Variants in HIP1 observed in about 807,000 individuals in gnomAD.
HIP1 encodes huntingtin-interacting protein 1.
HIP1 carries 65 observed loss-of-function variants against 147.6 expected under a neutral mutation model. The ratio of observed to expected loss-of-function variants is 0.44; its 90% CI spans 0.36 to 0.54. The LOEUF (loss-of-function observed/expected upper bound fraction) is 0.54, where lower values mean the gene tolerates loss of function less well. Ranked by LOEUF, HIP1 falls within the 20% of genes least tolerant of loss-of-function variation. The pLI is 0.00. For synonymous variants in HIP1, 479 were observed against 504.0 expected, an observed-to-expected ratio of 0.95 and a Z score of 0.67; for missense variants, 1,061 against 1,299.6, an observed-to-expected ratio of 0.82 and a Z score of 2.82.
At chr7:75,704,734 C>A (rs550478954) in intron 1 of HIP1, among the ~76,000 whole-genome samples, 1 of 150,968 alleles carries the variant, frequency 6.6e-6, no homozygotes, top group South Asian at 2.1e-4. Flanking sequence ...CCATCATGCC[C>A]GGCTAATTTT....
chr7:75,705,519 C>G (rs1327769972), intron 1 of HIP1, among the ~76,000 whole-genome samples: 1 of 152,046 alleles, frequency 6.6e-6, no homozygotes, highest in Non-Finnish European at 1.5e-5. Context: ...AGGTGCCCAC[C>G]ACCGTGCCTG....
intron 1 of HIP1, among the ~76,000 whole-genome samples, chr7:75,640,927 C>T (rs1798631356): frequency 6.6e-6 from 1 of 152,042 alleles, no homozygotes; most frequent in Admixed American, 6.6e-5. Flanking sequence ...CCTATCACAG[C>T]CCCTTCCTGT....
At chr7:75,694,676 C>CT (rs11383945) in intron 1 of HIP1, among the ~76,000 whole-genome samples, 78,674 of 140,290 alleles carry the variant, frequency 0.56, 22,649 homozygotes, top group African/African-American at 0.73. Context: ...CACCTGGCTA[C>CT]TTTTTTTTTT....
intron 1 of HIP1, among the ~76,000 whole-genome samples, chr7:75,618,069 C>T (rs931699393): frequency 3.3e-5 from 5 of 152,222 alleles, no homozygotes; most frequent in Non-Finnish European, 5.9e-5. Context: ...CCCTGGGCTG[C>T]GCCCTCCCCA....
rs782461500 is a variant in HIP1, at chr7:75,592,522, G to T, written c.185-8C>A. On this transcript the variant is annotated splice_polypyrimidine_tract_variant and splice_region_variant and intron_variant, in intron 2 of 30. Transcript: ENST00000336926. ...GGGTGCCCAGTATGCACGGTGAGGG[G>T]GGGTTATGGAAAACAACGGATGGGC... 2.7e-5 allele frequency: 44 copies of T among 1,607,756 alleles called. No homozygotes were observed. The highest frequency in any genetic ancestry group is 1.7e-4 in the Middle Eastern group (1 of 6,036).
intron 8 of HIP1, among the ~76,000 whole-genome samples, chr7:75,571,706 C>T (rs1795640919): frequency 6.6e-6 from 1 of 152,168 alleles, no homozygotes; most frequent in African/African-American, 2.4e-5. Context: ...CCTTAGCCTC[C>T]CAGGTAGCTG....
At chr7:75,649,101 C>T (rs781783474) in intron 1 of HIP1, among the ~76,000 whole-genome samples, 3 of 152,014 alleles carry the variant, frequency 2.0e-5, no homozygotes, top group Non-Finnish European at 2.9e-5. Context: ...TCCGGCTCAC[C>T]GCAAACTCCG....
At chr7:75,647,268 T>G (rs188411532) in intron 1 of HIP1, among the ~76,000 whole-genome samples, 2 of 133,076 alleles carry the variant, frequency 1.5e-5, no homozygotes, top group East Asian at 2.3e-4. Flanking sequence ...CATGGTGGCA[T>G]GCGCCTGTAA....
intron 1 of HIP1, among the ~76,000 whole-genome samples, chr7:75,599,459 G>T (rs1371314711): frequency 6.6e-6 from 1 of 152,174 alleles, no homozygotes; most frequent in African/African-American, 2.4e-5. Context: ...GAGGGAGTGG[G>T]CACCACTGCC....
intron 4 of HIP1, among the ~76,000 whole-genome samples, chr7:75,589,135 A>G (rs186904995): frequency 6.7e-4 from 102 of 151,324 alleles, no homozygotes; most frequent in African/African-American, 1.4e-3. Flanking sequence ...GGGCAACAAG[A>G]GCAAAACTCT....
chr7:75,701,159 T>C (rs1006086843), intron 1 of HIP1, among the ~76,000 whole-genome samples: 19 of 152,120 alleles, frequency 1.2e-4, no homozygotes, highest in Admixed American at 1.2e-3. Context: ...TTTGGAAGGC[T>C]GAGTTGGGCA....
chr7:75,592,333 T>A, intron 3 of HIP1, 39 bp downstream of exon 3: 2 of 1,578,872 alleles, frequency 1.3e-6, no homozygotes, highest in South Asian at 1.2e-5. Flanking sequence ...CCCACAAGGA[T>A]CCCTGGCTCC....
intron 1 of HIP1, among the ~76,000 whole-genome samples, chr7:75,666,853 T>G (rs1427436144): frequency 2.0e-5 from 3 of 152,210 alleles, no homozygotes; most frequent in Non-Finnish European, 1.5e-5. Flanking sequence ...CGTTTTGTTC[T>G]GGCTCCAGGG....
At chr7:75,719,448 G>T (rs190438277) in intron 1 of HIP1, among the ~76,000 whole-genome samples, 2 of 149,614 alleles carry the variant, frequency 1.3e-5, no homozygotes, top group African/African-American at 4.9e-5. Flanking sequence ...AGTTTGTAGT[G>T]AACCGAGATC....
Position 75,561,345 on chromosome 7 carries a change from T to A in HIP1, c.1175A>T (p.Glu392Val). Residue 392 changes from glutamate (E) to valine (V), a missense_variant, in exon 13 of 31, where the codon GAA (glutamate) becomes GTA (valine). Transcript: ENST00000336926. ...AAGTTATACCTCAGTCTTCATGTTT[T>A]CTAGCTGTGCCTTCAATCCACTGAT... ...REISGLKAQLENMKTESQRVV... is the reference protein window; with the variant it reads ...REISGLKAQLVNMKTESQRVV... 1 of 1,612,094 alleles carries A rather than the reference T, an allele frequency of 6.2e-7. No individual in the cohort carries two copies. The highest frequency in any genetic ancestry group is 8.5e-7 in the Non-Finnish European group (1 of 1,178,086).
intron 1 of HIP1, among the ~76,000 whole-genome samples, chr7:75,671,158 A>T (rs1554515259): frequency 6.6e-6 from 1 of 151,972 alleles, no homozygotes; most frequent in Non-Finnish European, 1.5e-5. Context: ...CAATGGAGCA[A>T]TCTCGGTTCA....
intron 1 of HIP1, among the ~76,000 whole-genome samples, chr7:75,661,152 C>A (rs1799300413): frequency 6.6e-6 from 1 of 151,830 alleles, no homozygotes; most frequent in Non-Finnish European, 1.5e-5. Flanking sequence ...GGGATGCCCT[C>A]CTATAGTCCC....
At chr7:75,638,584 G>A (rs545932666) in intron 1 of HIP1, among the ~76,000 whole-genome samples, 209 of 152,258 alleles carry the variant, frequency 1.4e-3, no homozygotes, top group Non-Finnish European at 2.4e-3. Context: ...TCACCTCCTA[G>A]GATGGTTGAA....
chr7:75,558,389 T>C (rs587764528), intron 14 of HIP1, 134 bp from the exon 15 acceptor site: 22 of 709,932 alleles, frequency 3.1e-5, no homozygotes, highest in Admixed American at 1.3e-4. Context: ...CAGGCTGGGG[T>C]GCAGTGGCAC....
Sources: allele counts gnomAD v4.1 joint callset (sites outside exome capture counted in the v4.1 genomes callset), GRCh38; gene constraint gnomAD v4.1.1; transcripts MANE v1.5; gene names NCBI Gene and HGNC (gene_info 2026-07-23, HGNC 2026-07-21).